Variants in AMY2A observed in about 807,000 individuals in gnomAD.
The protein encoded by AMY2A is amylase alpha 2A.
In AMY2A, 16 loss-of-function variants were observed where a neutral mutation model predicts 43.0. That is an observed-to-expected ratio of 0.37 (90% CI 0.25 to 0.56). The LOEUF (loss-of-function observed/expected upper bound fraction) is 0.56. AMY2A is among the 20% of genes least tolerant of loss of function. The probability of loss-of-function intolerance (pLI) is 0.77; values close to 1 mark genes in which losing one functional copy is unlikely to be tolerated. For synonymous variants in AMY2A, 70 were observed against 144.6 expected (o/e 0.48, Z 3.70); for missense variants, 212 against 456.8 (o/e 0.46, Z 4.89).
intron 2 of AMY2A, 136 bp from the exon 3 acceptor site, chr1:103,618,775 G>A (rs1476911930): frequency 6.7e-7 from 1 of 1,488,976 alleles, no homozygotes; most frequent in African/African-American, 1.4e-5. Flanking sequence ...GTTGATTTTT[G>A]ATCTTGTAGG....
Position 103,618,018 on chromosome 1 carries a change from A to T in AMY2A, c.233A>T (p.Gln78Leu), listed in dbSNP as rs1310734258. The T allele has an allele frequency of 1.9e-6, 3 of 1,600,672 alleles. No individual in the cohort carries two copies. The highest frequency in any genetic ancestry group is 2.2e-5 in the South Asian group (2 of 90,856). ...NPFRPWWERY[Q>L]PVSYKLCTRS... ...TTCAGACCTTGGTGGGAAAGATACC[A>T]ACCAGTTAGCTATAAATTATGCACA... The change falls in exon 2 of 10, where the codon CAA becomes CTA. Residue 78 changes from glutamine to leucine, a missense_variant. Physicochemically the swap from Gln to Leu is moderately radical, Grantham distance 113. Transcript: ENST00000414303.
rs1220568054 is a variant in AMY2A at position 103,618,267 on chromosome 1, T to C, written c.315+167T>C. Among the ~76,000 whole-genome samples the C allele has an allele frequency of 1.3e-5, 2 of 150,802 alleles. 1 individual carries two copies. The highest frequency in any genetic ancestry group is 3.0e-5 in the Non-Finnish European group (2 of 67,322). On this transcript the variant is annotated intron_variant, in intron 2 of 9. Transcript: ENST00000414303. ...TTTATTTATGTTCAACTTTTGTGAA[T>C]ATTTGTGTGTGTGCTATCTACTAAA...
chr1:103,617,891 A>C, intron 1 of AMY2A, 63 bp from the exon 2 acceptor site: 1 of 1,596,346 alleles, frequency 6.3e-7, no homozygotes, highest in African/African-American at 1.3e-5. Context: ...ATTAGTTTCT[A>C]GAACATTCAA....
upstream of AMY2A, chr1:103,617,292 G>C (rs575367392): frequency 1.4e-4 from 204 of 1,441,424 alleles, 8 homozygotes; most frequent in South Asian, 1.8e-3. Context: ...TTCTTTACCT[G>C]TTAGGATTAT....
chr1:103,617,804 A>G lies in AMY2A; in HGVS notation c.169-150A>G, dbSNP rs1653120632. The G allele has an allele frequency of 8.5e-6, 13 of 1,522,022 alleles. 2 individuals are homozygous for G. Among genetic ancestry groups the G allele is most frequent in the South Asian group, 1.3e-5 (1 of 78,492 alleles). The allele number at this position is 1,522,022 out of a possible 1,614,324, so 94.3% of individuals were successfully genotyped here. A position where few individuals can be genotyped will look rare whatever the true frequency, so the allele number is the denominator to read the frequency against. On this transcript the variant is annotated intron_variant, in intron 1 of 9. Transcript: ENST00000414303. ...TTTCTGAGATAATCTTTCTTCACCAAGAGCCCTCCAATGTGCTGTTAATAT... is the reference window on the plus strand; with the variant it reads ...TTTCTGAGATAATCTTTCTTCACCAGGAGCCCTCCAATGTGCTGTTAATAT...
intron 2 of AMY2A, 40 bp downstream of exon 2, chr1:103,618,140 A>T: frequency 6.3e-7 from 1 of 1,582,548 alleles, no homozygotes. Flanking sequence ...AACAGACAGG[A>T]AAATGGTTTC....
chr1:103,617,629 C>A (rs1653114839), intron 1 of AMY2A, 21 bp downstream of exon 1: 2 of 1,600,752 alleles, frequency 1.2e-6, no homozygotes, highest in South Asian at 2.2e-5. Flanking sequence ...TTCATAGTAT[C>A]AATTGCGGAA....
upstream of AMY2A, chr1:103,616,894 T>C (rs975060659): frequency 6.7e-5 from 48 of 720,146 alleles, no homozygotes; most frequent in Admixed American, 4.7e-4. Flanking sequence ...GGGATTTGTC[T>C]AGAGGCTGGT....
At chr1:103,623,271 A>G (rs1427764302) in intron 7 of AMY2A, among the ~76,000 whole-genome samples, 4 of 134,216 alleles carry the variant, frequency 3.0e-5, no homozygotes, top group Admixed American at 7.5e-5. Flanking sequence ...TTCTAGTACT[A>G]ATGCCCTTCC....
intron 9 of AMY2A, among the ~76,000 whole-genome samples, chr1:103,624,813 C>T (rs1570670380): frequency 7.8e-6 from 1 of 127,942 alleles, no homozygotes; most frequent in Non-Finnish European, 1.7e-5. Context: ...ATTGGCCTTT[C>T]ATCTGTGATT....
In AMY2A at chr1:103,619,084, C is replaced by A. The variant is rs752786393; in HGVS notation, c.489C>A (p.Ile163=). ...AATGTAAAACTGGAAGTGGAGATAT[C>A]GAGAACTACAATGATGCTACTCAGG... ...DGKCKTGSGD[I]ENYNDATQVR... is the part of the protein sequence containing the mutation. Residue 163 remains isoleucine (I), a synonymous_variant, in exon 3 of 10, where the codon ATC becomes ATA. Coordinates refer to ENST00000414303, the MANE Select transcript of AMY2A (RefSeq NM_000699.4). 1 of 1,193,976 alleles carries A rather than the reference C, an allele frequency of 8.4e-7. No individual in the cohort carries two copies. Among genetic ancestry groups the A allele is most frequent in the East Asian group, 2.6e-5 (1 of 39,004 alleles). The allele number at this position is 1,193,976 out of a possible 1,614,324, so 74.0% of individuals were successfully genotyped here.
chr1:103,624,902 C>T, intron 9 of AMY2A, among the ~76,000 whole-genome samples: 1 of 130,882 alleles, frequency 7.6e-6, no homozygotes, highest in Non-Finnish European at 1.7e-5. Flanking sequence ...TTGAATTGTC[C>T]CTGTCCAAGA....
At chr1:103,623,445 T>C (rs4998593) in intron 7 of AMY2A, among the ~76,000 whole-genome samples, 1,350 of 78,444 alleles carry the variant, frequency 0.017, 350 homozygotes, top group Middle Eastern at 0.024. Context: ...GACCTCGTCT[T>C]TACTGAAAAT....
chr1:103,616,888 T>G, upstream of AMY2A: 1 of 660,152 alleles, frequency 1.5e-6, no homozygotes, highest in Non-Finnish European at 1.9e-6. Context: ...TGTTCTGGGA[T>G]TTGTCTAGAG....
At chr1:103,616,868 C>A, upstream of AMY2A, 1 of 486,224 alleles carries the variant, frequency 2.1e-6, no homozygotes, top group Non-Finnish European at 2.8e-6. Flanking sequence ...ATTAATGTGT[C>A]AGGGCTGAGT....
At position 103,619,358 on chromosome 1, in the gene AMY2A, C is replaced by A. The variant is rs367750306; in HGVS notation, c.514-196C>A. Among the ~76,000 whole-genome samples, 169 of 150,542 alleles carry A rather than the reference C, an allele frequency of 1.1e-3. 3 individuals carry two copies. In the East Asian group the frequency reaches 0.028, roughly 25 times the overall value. ...ATTAAAAATCTCATCGACTTTATTT[C>A]CTAAATTCTCTATTTTCTATTAGAA... On this transcript the variant is annotated intron_variant, in intron 3 of 9. Coordinates refer to ENST00000414303, the MANE Select transcript of AMY2A (RefSeq NM_000699.4).
upstream of AMY2A, chr1:103,617,135 A>C: frequency 1.0e-6 from 1 of 973,662 alleles, no homozygotes; most frequent in Non-Finnish European, 1.4e-6. Context: ...GATGACAACA[A>C]ATTTTGGTTT....
chr1:103,619,898 A>G lies in AMY2A; in HGVS notation c.744+114A>G. ...ATAAGGAATGAGACATTTACATAAA[A>G]CAGTGTTCTTTAACCTCCTCTTCTT... On this transcript the variant is annotated intron_variant, in intron 4 of 9. Transcript: ENST00000414303. The G allele has an allele frequency of 1.3e-6, 2 of 1,508,330 alleles. 1 individual carries two copies. The highest frequency in any genetic ancestry group is 1.8e-6 in the Non-Finnish European group (2 of 1,101,862). 93.4% of individuals were successfully genotyped at this position (1,508,330 alleles called of 1,614,324 possible). A position where few individuals can be genotyped will look rare whatever the true frequency, so the allele number is the denominator to read the frequency against.
At chr1:103,618,817 G>C in intron 2 of AMY2A, 94 bp from the exon 3 acceptor site, 1 of 1,297,926 alleles carries the variant, frequency 7.7e-7, no homozygotes, top group Admixed American at 2.5e-5. Flanking sequence ...GAAATATTTT[G>C]GAGTTTTATT....
Sources: allele counts gnomAD v4.1 joint callset (sites outside exome capture counted in the v4.1 genomes callset), GRCh38; gene constraint gnomAD v4.1.1; transcripts MANE v1.5; gene names NCBI Gene and HGNC (gene_info 2026-07-23, HGNC 2026-07-21).